GABRG3: variants seen among roughly 807,000 people sequenced by gnomAD.
GABRG3 encodes the protein gamma-aminobutyric acid receptor subunit gamma-3.
A neutral mutation model predicts 48.8 loss-of-function variants in GABRG3; 25 were observed. The ratio of observed to expected loss-of-function variants is 0.51; its 90% CI spans 0.37 to 0.72. The LOEUF (loss-of-function observed/expected upper bound fraction) is 0.72. Among genes scored for constraint, GABRG3 ranks in the 30% least tolerant of loss-of-function variants. The pLI is 0.00. For synonymous variants in GABRG3, 227 were observed against 217.6 expected (o/e 1.04, Z -0.38); for missense variants, 394 against 577.9 (o/e 0.68, Z 3.26).
intron 3 of GABRG3, among the ~76,000 whole-genome samples, chr15:27,069,972 T>C (rs1896801000): frequency 6.6e-6 from 1 of 152,174 alleles, no homozygotes; most frequent in South Asian, 2.1e-4. Context: ...ATCGTTTCCA[T>C]TGGAAGACAA....
At chr15:26,984,502 A>G (rs1895115583) in intron 2 of GABRG3, among the ~76,000 whole-genome samples, 1 of 152,142 alleles carries the variant, frequency 6.6e-6, no homozygotes, top group Non-Finnish European at 1.5e-5. Context: ...TCTCCTAGAC[A>G]TTATTTCTTC....
chr15:27,181,160 A>C (rs888522910), intron 3 of GABRG3, among the ~76,000 whole-genome samples: 1 of 152,186 alleles, frequency 6.6e-6, no homozygotes, highest in Non-Finnish European at 1.5e-5. Flanking sequence ...TGTGGCAAGC[A>C]GACTTTACAC....
chr15:27,505,945 A>C (rs1890749432), intron 6 of GABRG3, among the ~76,000 whole-genome samples: 2 of 152,118 alleles, frequency 1.3e-5, no homozygotes, highest in African/African-American at 2.4e-5. Flanking sequence ...AGGTTTATTC[A>C]GGTTATTTAT....
chr15:27,531,021 G>T (rs974410025), intron 9 of GABRG3: 4 of 261,014 alleles, frequency 1.5e-5, no homozygotes, highest in Non-Finnish European at 3.1e-5. Context: ...ACACCCACTC[G>T]GGACAAAGAA....
rs191842139 is a variant in GABRG3, at chr15:27,402,158, T to C, written c.574+73270T>C. Reference sequence around the variant, plus strand: ...ATTGAATGAATAATATTAAAGCCAATCCCTCTTCCAATCTACTTACAAAAG... The same window carrying C: ...ATTGAATGAATAATATTAAAGCCAACCCCTCTTCCAATCTACTTACAAAAG... On this transcript the variant is annotated intron_variant, in intron 5 of 9. Coordinates refer to ENST00000615808, the MANE Select transcript of GABRG3 (RefSeq NM_033223.5). 3.5e-3 allele frequency among the ~76,000 whole-genome samples: 532 copies of C among 152,292 alleles called. 3 individuals are homozygous for C. The highest frequency in any genetic ancestry group is 0.012 in the African/African-American group (497 of 41,564).
chr15:27,502,242 A>C (rs1890658554), intron 6 of GABRG3, among the ~76,000 whole-genome samples: 1 of 152,246 alleles, frequency 6.6e-6, no homozygotes, highest in Non-Finnish European at 1.5e-5. Context: ...AATGAATAAT[A>C]CTTTGTAGCT....
chr15:27,466,586 G>T (rs528741793), intron 5 of GABRG3, among the ~76,000 whole-genome samples: 1 of 152,318 alleles, frequency 6.6e-6, no homozygotes, highest in East Asian at 1.9e-4. Context: ...AAATGCAACA[G>T]ACCGGGAAGC....
In GABRG3 at chr15:27,477,816, A is replaced by G. The variant is rs377467367; in HGVS notation, c.575-2834A>G. Among the ~76,000 whole-genome samples the G allele has an allele frequency of 3.9e-5, 6 of 152,266 alleles. 1 individual carries two copies. Among genetic ancestry groups the G allele is most frequent in the Admixed American group, 1.3e-4 (2 of 15,290 alleles). On this transcript the variant is annotated intron_variant, in intron 5 of 9. Transcript: ENST00000615808. ...AGCACTTTGGAAGGCCAAGGCGGGC[A>G]GATCACAAGGTCAGGAGATCAAGAC...
chr15:27,097,848 A>G (rs966606806), intron 3 of GABRG3, among the ~76,000 whole-genome samples: 6 of 152,168 alleles, frequency 3.9e-5, no homozygotes, highest in African/African-American at 1.4e-4. Flanking sequence ...GCTGCCCTGG[A>G]GAATAAGGAT....
At chr15:27,468,901 G>C (rs1566855056) in intron 5 of GABRG3, among the ~76,000 whole-genome samples, 1 of 152,178 alleles carries the variant, frequency 6.6e-6, no homozygotes, top group East Asian at 1.9e-4. Flanking sequence ...CAATGAAAAA[G>C]AAATTTGTGC....
At chr15:27,330,133 G>C (rs1235426506) in intron 5 of GABRG3, among the ~76,000 whole-genome samples, 6 of 152,120 alleles carry the variant, frequency 3.9e-5, no homozygotes, top group African/African-American at 1.2e-4. Context: ...CCAGCTACTT[G>C]GGAGGCTGAG....
At chr15:27,379,086 CAAA>C (rs903348674) in intron 5 of GABRG3, among the ~76,000 whole-genome samples, 2 of 152,142 alleles carry the variant, frequency 1.3e-5, no homozygotes, top group Admixed American at 6.5e-5. Flanking sequence ...CCTAAAGTTC[CAAA>C]GAAGAATTCA....
At chr15:26,972,248 G>T (rs1257725006) in intron 1 of GABRG3, among the ~76,000 whole-genome samples, 1 of 152,124 alleles carries the variant, frequency 6.6e-6, no homozygotes, top group Non-Finnish European at 1.5e-5. Flanking sequence ...TAAGGCTTCT[G>T]CCTGGTAATG....
chr15:27,128,984 A>G (rs375534203), intron 3 of GABRG3, among the ~76,000 whole-genome samples: 41 of 152,278 alleles, frequency 2.7e-4, no homozygotes, highest in East Asian at 2.3e-3. Flanking sequence ...AGATAAAACT[A>G]AAAATAATTT....
chr15:27,522,756 A>G (rs1394505675), intron 7 of GABRG3, among the ~76,000 whole-genome samples: 1 of 151,930 alleles, frequency 6.6e-6, no homozygotes, highest in Non-Finnish European at 1.5e-5. Flanking sequence ...CAACAGAAAG[A>G]CAAAACATTC....
intron 5 of GABRG3, among the ~76,000 whole-genome samples, chr15:27,355,864 A>G (rs893740198): frequency 2.6e-5 from 4 of 152,222 alleles, no homozygotes; most frequent in Admixed American, 6.5e-5. Context: ...AAAACCAGAC[A>G]CTAAAGGACA....
chr15:27,020,865 A>G (rs1895881766), intron 2 of GABRG3, among the ~76,000 whole-genome samples: 1 of 152,194 alleles, frequency 6.6e-6, no homozygotes, highest in South Asian at 2.1e-4. Context: ...TTTGTCTCAG[A>G]CGATCTTTTA....
At chr15:27,044,605 C>T (rs936309215) in intron 3 of GABRG3, among the ~76,000 whole-genome samples, 1 of 152,080 alleles carries the variant, frequency 6.6e-6, no homozygotes, top group African/African-American at 2.4e-5. Flanking sequence ...TAAAAGAAAA[C>T]CTTTAGACAA....
At chr15:27,282,045 A>G (rs28799710) in intron 3 of GABRG3, among the ~76,000 whole-genome samples, 20,327 of 152,132 alleles carry the variant, frequency 0.13, 3,281 homozygotes, top group African/African-American at 0.38. Flanking sequence ...TGGAAATGCT[A>G]TACCTTTTCC....
Sources: allele counts gnomAD v4.1 joint callset (sites outside exome capture counted in the v4.1 genomes callset), GRCh38; gene constraint gnomAD v4.1.1; transcripts MANE v1.5; gene names NCBI Gene and HGNC (gene_info 2026-07-23, HGNC 2026-07-21).